CUBN: variants seen among roughly 807,000 people sequenced by gnomAD.
CUBN encodes the protein 460 kDa receptor.
Under a neutral mutation model 405.3 loss-of-function variants are expected in CUBN, and 282 were observed. That is an observed-to-expected ratio of 0.70 (90% CI 0.63 to 0.77). The LOEUF (loss-of-function observed/expected upper bound fraction) is 0.77, where lower values mean the gene tolerates loss of function less well. Ranked by LOEUF, CUBN falls within the 30% of genes least tolerant of loss-of-function variation. The pLI is 0.00. For missense variants in CUBN, 4,514 were observed against 4,475.2 expected, an observed-to-expected ratio of 1.01 and a Z score of -0.25; for synonymous variants, 1,684 against 1,617.0, an observed-to-expected ratio of 1.04 and a Z score of -0.99.
chr10:17,095,057 A>G (rs1304751794), intron 14 of CUBN, among the ~76,000 whole-genome samples: 1 of 152,086 alleles, frequency 6.6e-6, no homozygotes, highest in African/African-American at 2.4e-5. Context: ...TTAAAAACAG[A>G]TATCTAGACC....
At chr10:16,831,127 CT>C in intron 65 of CUBN, 124 bp downstream of exon 65, 1 of 840,246 alleles carries the variant, frequency 1.2e-6, no homozygotes, top group Admixed American at 2.1e-5. Flanking sequence ...GTTAAAATCT[CT>C]ATTCTTAACA....
chr10:16,898,285 T>C lies in CUBN; in HGVS notation c.8598+711A>G, dbSNP rs576762548. Among the ~76,000 whole-genome samples the C allele has an allele frequency of 5.3e-5, 8 of 152,148 alleles. No individual in the cohort carries two copies. In the East Asian group the frequency reaches 9.7e-4, roughly 18 times the overall value. Reference sequence around the variant, plus strand: ...TCTCCAATGCTTAAAACAGCCCCACTGAAGAAGGAATCATGCTCTTCATTC... The same window carrying C: ...TCTCCAATGCTTAAAACAGCCCCACCGAAGAAGGAATCATGCTCTTCATTC... On this transcript the variant is annotated intron_variant, in intron 54 of 66. Transcript: ENST00000377833.
Position 16,981,664 on chromosome 10 carries a change from A to G in CUBN, c.4695+820T>C, listed in dbSNP as rs548882953. ...GCCGTGCACAGAGCCTGCTCCCACC[A>G]GAGATGAGGGACCAGCCAGTTCTAG... On this transcript the variant is annotated intron_variant, in intron 31 of 66. Coordinates refer to ENST00000377833, the MANE Select transcript of CUBN (RefSeq NM_001081.4). Among the ~76,000 whole-genome samples, 9 of 152,218 alleles carry G rather than the reference A, an allele frequency of 5.9e-5. No individual in the cohort carries two copies. The South Asian group carries it at 1.2e-3, about 21-fold the overall frequency.
chr10:16,994,916 C>A (rs1442466637), intron 28 of CUBN, among the ~76,000 whole-genome samples: 1 of 152,094 alleles, frequency 6.6e-6, no homozygotes, highest in Non-Finnish European at 1.5e-5. Context: ...CATGGTGAAA[C>A]CCTGTCTCTA....
At chr10:16,869,563 GGGGGC>G in intron 59 of CUBN, 68 bp downstream of exon 59, 2 of 979,430 alleles carry the variant, frequency 2.0e-6, no homozygotes, top group Non-Finnish European at 1.6e-6. Context: ...GGGGTGGGGG[GGGGGC>G]GGGGAAATTA....
chr10:16,849,139 G>GC (rs908076931), intron 60 of CUBN, among the ~76,000 whole-genome samples: 1 of 152,120 alleles, frequency 6.6e-6, no homozygotes, highest in Admixed American at 6.5e-5. Context: ...GTGCAATGAG[G>GC]CTGTTCTTCA....
intron 60 of CUBN, among the ~76,000 whole-genome samples, chr10:16,848,074 C>A (rs146954447): frequency 6.6e-6 from 1 of 151,974 alleles, no homozygotes; most frequent in East Asian, 1.9e-4. Context: ...TAGTTCTGAA[C>A]AGAATTTATT....
chr10:16,904,230 T>C (rs1841493256), intron 50 of CUBN, 115 bp from the exon 51 acceptor site: 2 of 986,276 alleles, frequency 2.0e-6, no homozygotes, highest in Admixed American at 1.8e-5. Flanking sequence ...TAAATTCTGA[T>C]TTAGTAGCAG....
chr10:16,889,490 T>C (rs17139466), intron 55 of CUBN, among the ~76,000 whole-genome samples: 1,995 of 152,284 alleles, frequency 0.013, 38 homozygotes, highest in African/African-American at 0.046. Flanking sequence ...ACGAATCTAA[T>C]AGTGTACAAT....
chr10:16,893,583 A>C (rs1370207212), intron 54 of CUBN, among the ~76,000 whole-genome samples: 1 of 152,156 alleles, frequency 6.6e-6, no homozygotes. Flanking sequence ...TTTCTAAAAC[A>C]CTATCATTTC....
rs967117199 is a variant in CUBN at position 17,040,926 on chromosome 10, G to A, written c.4017+107C>T. On this transcript the variant is annotated intron_variant, in intron 27 of 66. Coordinates refer to ENST00000377833, the MANE Select transcript of CUBN (RefSeq NM_001081.4). ...TGGGTGGTTGGTGTGTTATAGATGC[G>A]TGGGGCAGAGTTAGGGATTTTATTC... 163 of 1,019,370 alleles carry A rather than the reference G, an allele frequency of 1.6e-4. 1 individual carries two copies. The highest frequency in any genetic ancestry group is 4.3e-4 in the Admixed American group (25 of 58,282). 63.1% of individuals were successfully genotyped at this position (1,019,370 alleles called of 1,614,324 possible). A position where few individuals can be genotyped will look rare whatever the true frequency, so the allele number is the denominator to read the frequency against.
At position 16,868,805 on chromosome 10, in the gene CUBN, T is replaced by A. The variant is rs569187060; in HGVS notation, c.9454+831A>T. Among the ~76,000 whole-genome samples, 3 of 152,280 alleles carry A rather than the reference T, an allele frequency of 2.0e-5. No homozygotes were observed. The South Asian group carries it at 6.2e-4, about 32-fold the overall frequency. On this transcript the variant is annotated intron_variant, in intron 59 of 66. Transcript: ENST00000377833. ...CACCCTCTCCAGTCCAAATTCCTTCTCAAGCATCAGCTTCCAACTAGACAG... is the reference window on the plus strand; with the variant it reads ...CACCCTCTCCAGTCCAAATTCCTTCACAAGCATCAGCTTCCAACTAGACAG...
Position 16,998,915 on chromosome 10 carries a change from T to A in CUBN, c.4169-8400A>T, listed in dbSNP as rs149396590. ...TTTAGTGTTGGAGAGTCAATGAACG[T>A]TTAGAAAGTTTCATGTTCCATGGAG... On this transcript the variant is annotated intron_variant, in intron 28 of 66. Transcript: ENST00000377833. Among the ~76,000 whole-genome samples the A allele has an allele frequency of 2.3e-3, 350 of 152,300 alleles. 3 individuals carry two copies. Among genetic ancestry groups the A allele is most frequent in the African/African-American group, 7.9e-3 (328 of 41,560 alleles).
chr10:17,081,518 A>C (rs1289081619), intron 17 of CUBN, among the ~76,000 whole-genome samples: 1 of 152,158 alleles, frequency 6.6e-6, no homozygotes, highest in Non-Finnish European at 1.5e-5. Context: ...CATTTTTTAG[A>C]GATAGCTTTA....
chr10:16,874,596 T>C (rs1840448854), intron 57 of CUBN, 93 bp from the exon 58 acceptor site: 11 of 1,478,516 alleles, frequency 7.4e-6, no homozygotes, highest in African/African-American at 1.4e-5. Context: ...TGTACATTTT[T>C]CCCTAAAAGA....
At chr10:17,124,622 G>T (rs994889125) in intron 4 of CUBN, among the ~76,000 whole-genome samples, 1 of 151,752 alleles carries the variant, frequency 6.6e-6, no homozygotes. Flanking sequence ...TAGAGACGGG[G>T]TTTCACCGTG....
chr10:16,878,118 T>C (rs1840564940), intron 56 of CUBN, among the ~76,000 whole-genome samples: 1 of 152,190 alleles, frequency 6.6e-6, no homozygotes, highest in African/African-American at 2.4e-5. Context: ...CAAAACCCTG[T>C]CTCTACTAAA....
chr10:17,055,943 C>A (rs749751842), intron 22 of CUBN, among the ~76,000 whole-genome samples: 2 of 151,986 alleles, frequency 1.3e-5, no homozygotes, highest in Non-Finnish European at 2.9e-5. Context: ...CACAAAAAAT[C>A]TAGGATAGCC....
chr10:16,909,001 G>A (rs1337662436), intron 48 of CUBN, among the ~76,000 whole-genome samples: 2 of 150,310 alleles, frequency 1.3e-5, no homozygotes, highest in East Asian at 3.9e-4. Flanking sequence ...TCCTGCCTCA[G>A]CCTCCCGAGT....
Sources: gnomAD v4.1 joint callset for allele counts (sites outside exome capture counted in the v4.1 genomes callset) on GRCh38, gnomAD v4.1.1 for gene constraint, MANE v1.5 for transcripts, NCBI Gene and HGNC (gene_info 2026-07-23, HGNC 2026-07-21) for gene names.